Variants in IRAG1 observed in about 807,000 individuals in gnomAD.
IRAG1 encodes the protein inositol 1,4,5-triphosphate receptor associated 1, also known as IP3R-associated cGMP kinase substrate.
A neutral mutation model predicts 106.2 loss-of-function variants in IRAG1; 62 were observed. The observed-to-expected ratio is 0.58, with a 90% confidence interval of 0.48 to 0.72. The LOEUF is 0.72. Ranked by LOEUF, IRAG1 falls within the 30% of genes least tolerant of loss-of-function variation. The pLI, the probability that IRAG1 is intolerant of heterozygous loss-of-function variation, is 0.00. For synonymous variants in IRAG1, 462 were observed against 443.9 expected (o/e 1.04, Z -0.51); for missense variants, 1,064 against 1,140.7 (o/e 0.93, Z 0.97).
At chr11:10,680,415 GAAAGAA>G (rs1861130630) in intron 1 of IRAG1, among the ~76,000 whole-genome samples, 1 of 101,360 alleles carries the variant, frequency 9.9e-6, no homozygotes, top group African/African-American at 4.6e-5. Flanking sequence ...GAAAGAAAGG[GAAAGAA>G]AGAAAGAGAG....
intron 2 of IRAG1, among the ~76,000 whole-genome samples, chr11:10,651,665 C>G (rs540346993): frequency 6.6e-6 from 1 of 152,118 alleles, no homozygotes; most frequent in Non-Finnish European, 1.5e-5. Flanking sequence ...CTTTAAGTGG[C>G]CTTTTCTCGT....
intron 1 of IRAG1, among the ~76,000 whole-genome samples, chr11:10,673,156 GC>G (rs1860384470): frequency 6.6e-6 from 1 of 152,052 alleles, no homozygotes; most frequent in African/African-American, 2.4e-5. Context: ...GGTGCCGTGC[GC>G]CTGTAATTCC....
rs553111989 is a variant in IRAG1 at position 10,625,278 on chromosome 11, T to C, written c.1368+688A>G. 3.3e-5 allele frequency among the ~76,000 whole-genome samples: 5 copies of C among 152,298 alleles called. No individual in the cohort carries two copies. In the East Asian group the frequency reaches 9.7e-4, roughly 29 times the overall value. On this transcript the variant is annotated intron_variant, in intron 9 of 20. Coordinates refer to ENST00000423302, the MANE Select transcript of IRAG1 (RefSeq NM_130385.4). ...TGGAATCCAGGTGCCTTGGTTTATA[T>C]TCCAAGTGGGCCTTCTGGAGGAGAC...
intron 1 of IRAG1, among the ~76,000 whole-genome samples, chr11:10,678,331 G>A (rs1374501810): frequency 1.3e-5 from 2 of 152,166 alleles, no homozygotes; most frequent in African/African-American, 2.4e-5. Flanking sequence ...AGAAGGGAGC[G>A]ATTTCATCTT....
intron 1 of IRAG1, among the ~76,000 whole-genome samples, chr11:10,662,694 G>A (rs1342272936): frequency 1.3e-5 from 2 of 152,214 alleles, no homozygotes; most frequent in Non-Finnish European, 2.9e-5. Flanking sequence ...GTGGTACTCT[G>A]GAACCACCTC....
intron 1 of IRAG1, among the ~76,000 whole-genome samples, chr11:10,670,685 A>G (rs1860147920): frequency 6.6e-6 from 1 of 152,232 alleles, no homozygotes; most frequent in Non-Finnish European, 1.5e-5. Context: ...AGGGCCTTTA[A>G]AGAGGTGATT....
chr11:10,595,727 G>A (rs1472325219), intron 15 of IRAG1: 2 of 152,004 alleles, frequency 1.3e-5, no homozygotes, highest in African/African-American at 4.8e-5. Context: ...TTAGGTTCAG[G>A]GTACATGTGC....
chr11:10,689,324 A>C (rs988911196), intron 1 of IRAG1, among the ~76,000 whole-genome samples: 2 of 152,206 alleles, frequency 1.3e-5, no homozygotes, highest in Non-Finnish European at 2.9e-5. Context: ...AGCAATTCTC[A>C]TTCCCGGCTG....
chr11:10,586,893 C>T (rs564783836), intron 18 of IRAG1, among the ~76,000 whole-genome samples: 22 of 152,330 alleles, frequency 1.4e-4, no homozygotes, highest in African/African-American at 2.9e-4. Flanking sequence ...CAAGTTGCAT[C>T]GGTTTCACTA....
In IRAG1 at chr11:10,650,769, C is replaced by T. The variant is rs115123004; in HGVS notation, c.225+1256G>A. ...GGCTGGGCTGCCTGAGGCTGAAGGG[C>T]TAGGGGGTTGGCCCACTGTCACTTA... On this transcript the variant is annotated intron_variant, in intron 2 of 20. Transcript: ENST00000423302. Among the ~76,000 whole-genome samples, 879 of 152,214 alleles carry T rather than the reference C, an allele frequency of 5.8e-3. 12 individuals carry two copies. The highest frequency in any genetic ancestry group is 0.02 in the African/African-American group (836 of 41,536).
intron 1 of IRAG1, among the ~76,000 whole-genome samples, chr11:10,655,067 G>C (rs557724166): frequency 2.6e-5 from 4 of 152,304 alleles, no homozygotes; most frequent in African/African-American, 9.6e-5. Flanking sequence ...CAGGGGTTGA[G>C]GGTAGCAAAA....
At chr11:10,658,792 G>A (rs889274086) in intron 1 of IRAG1, among the ~76,000 whole-genome samples, 1 of 151,162 alleles carries the variant, frequency 6.6e-6, no homozygotes, top group African/African-American at 2.4e-5. Flanking sequence ...CCCCGTGTCT[G>A]TGCTGTGCTC....
In IRAG1 at chr11:10,693,667, G is replaced by A. The variant is rs543916356; in HGVS notation, c.-65C>T. 8.3e-5 allele frequency: 126 copies of A among 1,510,446 alleles called. No individual in the cohort carries two copies. The highest frequency in any genetic ancestry group is 6.9e-4 in the East Asian group (28 of 40,744). 93.6% of individuals were successfully genotyped at this position (1,510,446 alleles called of 1,614,324 possible). ...GAGAAGCCTCTGGCTGCAGAACCTC[G>A]GCCGCACGCCTCCTCTGAGAGGGGC... On this transcript the variant is annotated 5_prime_UTR_variant, in exon 1 of 21. Coordinates refer to ENST00000423302, the MANE Select transcript of IRAG1 (RefSeq NM_130385.4).
intron 1 of IRAG1, among the ~76,000 whole-genome samples, chr11:10,680,393 G>GA (rs148524669): frequency 3.1e-3 from 185 of 59,814 alleles, no homozygotes; most frequent in East Asian, 5.5e-3. Context: ...AGGAAGGAAG[G>GA]AAGGAAGGAA....
Position 10,626,122 on chromosome 11 carries a change from G to T in IRAG1, c.1212C>A (p.Pro404=), listed in dbSNP as rs774647677. ...SWDSGPEEPG[P]RLQKVLAKLP... ...GCTTGGCAAGCACTTTCTGCAGCCG[G>T]GGGCCAGGTTCTTCAGGGCCACTGT... Residue 404 remains proline (P), a synonymous_variant, in exon 9 of 21, where the codon CCC becomes CCA. Transcript: ENST00000423302. 1.9e-6 allele frequency: 3 copies of T among 1,543,660 alleles called. No homozygotes were observed. The highest frequency in any genetic ancestry group is 1.4e-5 in the African/African-American group (1 of 72,202).
chr11:10,576,820 T>G (rs1850860912), intron 20 of IRAG1, among the ~76,000 whole-genome samples: 1 of 152,210 alleles, frequency 6.6e-6, no homozygotes, highest in Non-Finnish European at 1.5e-5. Context: ...ATTCCACCAG[T>G]CCACAGCCTT....
chr11:10,663,817 T>TA (rs1859581627), intron 1 of IRAG1, among the ~76,000 whole-genome samples: 1 of 152,224 alleles, frequency 6.6e-6, no homozygotes, highest in Non-Finnish European at 1.5e-5. Flanking sequence ...ACAATGTAGA[T>TA]ACGCTAGCTC....
At chr11:10,591,741 C>A in intron 17 of IRAG1, 129 bp from the exon 18 acceptor site, 1 of 826,256 alleles carries the variant, frequency 1.2e-6, no homozygotes, top group South Asian at 1.5e-5. Flanking sequence ...CCCCACTTTC[C>A]AATCTTCATC....
chr11:10,623,709 T>TCCTTGATCTGG, intron 10 of IRAG1, 69 bp downstream of exon 10: 2 of 1,408,054 alleles, frequency 1.4e-6, no homozygotes, highest in Non-Finnish European at 2.0e-6. Flanking sequence ...GTTTACACAT[T>TCCTTGATCTGG]CACCTTCCTT....
Sources: allele counts gnomAD v4.1 joint callset (sites outside exome capture counted in the v4.1 genomes callset), GRCh38; gene constraint gnomAD v4.1.1; transcripts MANE v1.5; gene names NCBI Gene and HGNC (gene_info 2026-07-23, HGNC 2026-07-21).